The following TM9SF3 variants were observed in gnomAD, a reference collection of about 807,000 sequenced individuals.
TM9SF3 encodes SM-11044-binding protein.
In TM9SF3, 14 loss-of-function variants were observed where a neutral mutation model predicts 78.6. The observed-to-expected ratio is 0.18, with a 90% confidence interval of 0.12 to 0.28. The LOEUF (loss-of-function observed/expected upper bound fraction) is 0.28. Among genes scored for constraint, TM9SF3 ranks in the 10% least tolerant of loss-of-function variants. The pLI is 1.00. For synonymous variants in TM9SF3, 231 were observed against 241.7 expected, an observed-to-expected ratio of 0.96 and a Z score of 0.41; for missense variants, 496 against 721.9, an observed-to-expected ratio of 0.69 and a Z score of 3.59.
intron 5 of TM9SF3, 88 bp downstream of exon 5, chr10:96,559,571 C>A: frequency 1.1e-6 from 1 of 936,894 alleles, no homozygotes; most frequent in Non-Finnish European, 1.6e-6. Flanking sequence ...CAGTCCTCAA[C>A]ACAGTGCCCT....
intron 5 of TM9SF3, among the ~76,000 whole-genome samples, chr10:96,556,347 C>T (rs117667338): frequency 0.018 from 2,811 of 152,298 alleles, 38 homozygotes; most frequent in Non-Finnish European, 0.03. Context: ...ACGTGAAATT[C>T]CCCAACAGCT....
intron 8 of TM9SF3, among the ~76,000 whole-genome samples, chr10:96,546,943 A>C (rs1848107684): frequency 6.6e-6 from 1 of 152,192 alleles, no homozygotes; most frequent in Non-Finnish European, 1.5e-5. Flanking sequence ...CAAATCTACC[A>C]ATTTTTGTAC....
At position 96,578,803 on chromosome 10, in the gene TM9SF3, C is replaced by T. The variant is rs59466838; in HGVS notation, c.103-1974G>A. Among the ~76,000 whole-genome samples the T allele has an allele frequency of 3.7e-3, 558 of 152,338 alleles. 2 individuals are homozygous for T. The highest frequency in any genetic ancestry group is 0.013 in the African/African-American group (535 of 41,570). ...ATTAAAACTTGTTCATGGCCGGGTA[C>T]GGTGACTCACACCTGTAATCCCAAG... is the stretch of plus-strand genomic sequence containing the variant. On this transcript the variant is annotated intron_variant, in intron 1 of 14. Transcript: ENST00000371142.
intron 1 of TM9SF3, among the ~76,000 whole-genome samples, chr10:96,577,146 T>A (rs930989964): frequency 5.9e-5 from 9 of 151,516 alleles, no homozygotes; most frequent in Non-Finnish European, 1.0e-4. Flanking sequence ...TATCAAATAG[T>A]GGCAAACCTG....
intron 4 of TM9SF3, 92 bp downstream of exon 4, chr10:96,561,886 G>T: frequency 2.9e-6 from 3 of 1,047,914 alleles, no homozygotes; most frequent in South Asian, 1.6e-5. Context: ...CCCATTTCAA[G>T]CTACATTTTC....
Position 96,586,819 on chromosome 10 carries a change from C to A in TM9SF3, c.17G>T (p.Gly6Val). The A allele has an allele frequency of 8.0e-7, 1 of 1,255,474 alleles. No individual in the cohort carries two copies. The highest frequency in any genetic ancestry group is 1.0e-6 in the Non-Finnish European group (1 of 1,001,122). 77.8% of individuals were successfully genotyped at this position (1,255,474 alleles called of 1,614,324 possible). A position where few individuals can be genotyped will look rare whatever the true frequency, so the allele number is the denominator to read the frequency against. The change falls in exon 1 of 15, where the codon GGC becomes GTC. Residue 6 changes from glycine (G) to valine (V), a missense_variant. Around this residue, in one of 4 missense-constraint regions of TM9SF3, gnomAD observed 58 missense variants for 32.9 expected, o/e 1.76. Coordinates refer to ENST00000371142, the MANE Select transcript of TM9SF3 (RefSeq NM_020123.4). MRPLPGALGVAAAAAL... is the reference protein window; with the variant it reads MRPLPVALGVAAAAAL... ...GGCGGCCGCCGCCACGCCAAGAGCG[C>A]CAGGCAGCGGCCTCATCCTCCGCGC...
intron 9 of TM9SF3, among the ~76,000 whole-genome samples, chr10:96,541,080 C>A (rs1448788618): frequency 3.3e-5 from 5 of 151,698 alleles, no homozygotes; most frequent in Admixed American, 6.6e-5. Flanking sequence ...ACAAATCTTT[C>A]AAGAAAAGAA....
At chr10:96,572,196 C>T (rs1848444189) in intron 2 of TM9SF3, among the ~76,000 whole-genome samples, 1 of 152,102 alleles carries the variant, frequency 6.6e-6, no homozygotes, top group African/African-American at 2.4e-5. Flanking sequence ...TACCACTTTT[C>T]GAATATAAAC....
chr10:96,558,740 T>C (rs950340826), intron 5 of TM9SF3, among the ~76,000 whole-genome samples: 3 of 151,374 alleles, frequency 2.0e-5, no homozygotes, highest in Non-Finnish European at 2.9e-5. Context: ...TCCGGTAGAG[T>C]CTAAGAATGG....
chr10:96,535,802 G>T (rs953478697), intron 9 of TM9SF3, among the ~76,000 whole-genome samples: 2 of 152,126 alleles, frequency 1.3e-5, no homozygotes, highest in Non-Finnish European at 2.9e-5. Flanking sequence ...TCTACATACT[G>T]ATCACATCTT....
At chr10:96,523,668 G>A (rs1847806570) in intron 14 of TM9SF3, among the ~76,000 whole-genome samples, 1 of 151,870 alleles carries the variant, frequency 6.6e-6, no homozygotes, top group South Asian at 2.1e-4. Flanking sequence ...GTATGATCAA[G>A]CCTACAGATC....
chr10:96,573,372 T>C (rs928919157), intron 2 of TM9SF3, among the ~76,000 whole-genome samples: 1 of 152,174 alleles, frequency 6.6e-6, no homozygotes, highest in African/African-American at 2.4e-5. Flanking sequence ...TGATCGACTT[T>C]ATCTTTGAAC....
chr10:96,525,593 T>C (rs984611654), intron 14 of TM9SF3, among the ~76,000 whole-genome samples: 7 of 152,054 alleles, frequency 4.6e-5, no homozygotes, highest in African/African-American at 1.7e-4. Flanking sequence ...ATATCTTATA[T>C]ATATCTTATA....
chr10:96,559,413 C>G (rs557567869), intron 5 of TM9SF3, among the ~76,000 whole-genome samples: 1 of 34,654 alleles, frequency 2.9e-5, no homozygotes, highest in African/African-American at 1.1e-4. Context: ...TTTGGCTTCC[C>G]GTATGTTATA....
At chr10:96,586,623 G>C in intron 1 of TM9SF3, 111 bp downstream of exon 1, 4 of 915,368 alleles carry the variant, frequency 4.4e-6, no homozygotes, top group Non-Finnish European at 5.6e-6. Flanking sequence ...GAGTCCTCGG[G>C]CCGCAGTGGG....
chr10:96,584,768 A>G (rs958601094), intron 1 of TM9SF3, among the ~76,000 whole-genome samples: 1 of 152,200 alleles, frequency 6.6e-6, no homozygotes, highest in African/African-American at 2.4e-5. Context: ...GTGAGACAGC[A>G]CCACTGCACT....
intron 1 of TM9SF3, among the ~76,000 whole-genome samples, chr10:96,581,376 A>G (rs1039902973): frequency 3.9e-5 from 6 of 152,360 alleles, no homozygotes; most frequent in Admixed American, 2.6e-4. Context: ...CCCAAATGCT[A>G]TCCTTCATTT....
At chr10:96,530,644 A>G in intron 10 of TM9SF3, 36 bp from the exon 11 acceptor site, 1 of 1,543,582 alleles carries the variant, frequency 6.5e-7, no homozygotes, top group Non-Finnish European at 8.8e-7. Context: ...AACTTCTAGT[A>G]TGATTTCCAT....
chr10:96,531,934 G>A (rs1001931478), intron 10 of TM9SF3, among the ~76,000 whole-genome samples: 6 of 152,160 alleles, frequency 3.9e-5, no homozygotes, highest in African/African-American at 1.4e-4. Flanking sequence ...CTACAGGCTG[G>A]GCGTGGTGGC....
Sources: gnomAD v4.1 joint callset for allele counts (sites outside exome capture counted in the v4.1 genomes callset) on GRCh38, gnomAD v4.1.1 for gene constraint, gnomAD v4.1.1 regional missense constraint, MANE v1.5 for transcripts, NCBI Gene and HGNC (gene_info 2026-07-23, HGNC 2026-07-21) for gene names.